PCDH15: variants seen among roughly 807,000 people sequenced by gnomAD.
PCDH15 encodes the protein protocadherin related 15.
A neutral mutation model predicts 178.5 loss-of-function variants in PCDH15; 129 were observed. The observed-to-expected ratio is 0.72, with a 90% CI of 0.63 to 0.84. The LOEUF (loss-of-function observed/expected upper bound fraction) is 0.84, where lower values mean the gene tolerates loss of function less well. PCDH15 is among the 40% of genes least tolerant of loss of function. The pLI, the probability that PCDH15 is intolerant of heterozygous loss-of-function variation, is 0.00. For synonymous variants in PCDH15, 800 were observed against 732.0 expected (o/e 1.09, Z -1.50); for missense variants, 2,230 against 2,099.9 (o/e 1.06, Z -1.21).
intron 2 of PCDH15, among the ~76,000 whole-genome samples, chr10:55,156,250 G>GA (rs1392775734): frequency 2.0e-5 from 3 of 152,108 alleles, no homozygotes; most frequent in Admixed American, 1.3e-4. Flanking sequence ...AAAACTTTTG[G>GA]AAAAATTAAG....
At chr10:55,265,757 C>T (rs1457071110) in intron 1 of PCDH15, among the ~76,000 whole-genome samples, 11 of 152,074 alleles carry the variant, frequency 7.2e-5, no homozygotes, top group African/African-American at 2.4e-4. Flanking sequence ...GTAAAACACA[C>T]CTCTCTATCT....
At chr10:54,409,748 G>A (rs1953205413) in intron 3 of PCDH15, among the ~76,000 whole-genome samples, 1 of 152,102 alleles carries the variant, frequency 6.6e-6, no homozygotes, top group East Asian at 1.9e-4. Flanking sequence ...TGGGGCCTTT[G>A]GAGGAGGTAA....
chr10:54,574,650 A>G (rs1209167189), intron 2 of PCDH15, among the ~76,000 whole-genome samples: 13 of 147,258 alleles, frequency 8.8e-5, no homozygotes, highest in East Asian at 2.0e-4. Flanking sequence ...TCAGGAAACT[A>G]CAGGTGCTGG....
intron 3 of PCDH15, among the ~76,000 whole-genome samples, chr10:54,492,317 G>C (rs1205506303): frequency 6.6e-6 from 1 of 152,192 alleles, no homozygotes; most frequent in Non-Finnish European, 1.5e-5. Context: ...ACGCTCAGCT[G>C]TCTGAGGCAA....
At chr10:55,511,167 G>A (rs992486148) in intron 2 of PCDH15, among the ~76,000 whole-genome samples, 1 of 151,312 alleles carries the variant, frequency 6.6e-6, no homozygotes, top group African/African-American at 2.4e-5. Flanking sequence ...GTCACCACAC[G>A]TCTTATTTTA....
rs1461292462 is a variant in PCDH15 at position 53,805,869 on chromosome 10, T to G, written c.*710A>C. The G allele has an allele frequency of 6.6e-6, 1 of 152,060 alleles. No individual in the cohort carries two copies. The highest frequency in any genetic ancestry group is 2.4e-5 in the African/African-American group (1 of 41,404). 9.4% of individuals were successfully genotyped at this position (152,060 alleles called of 1,614,324 possible). A position where few individuals can be genotyped will look rare whatever the true frequency, so the allele number is the denominator to read the frequency against. On this transcript the variant is annotated 3_prime_UTR_variant, in exon 38 of 38. Transcript: ENST00000644397. ...CTCAAGTGATTAAACTAAACTAAAG[T>G]ATCTACCATATTTGATATGAGATGA... is the stretch of plus-strand genomic sequence containing the variant.
intron 25 of PCDH15, among the ~76,000 whole-genome samples, chr10:53,932,880 A>T (rs2085199391): frequency 6.6e-6 from 1 of 151,980 alleles, no homozygotes; most frequent in Non-Finnish European, 1.5e-5. Flanking sequence ...TCTCATGGAG[A>T]CAGATCCCTC....
intron 21 of PCDH15, among the ~76,000 whole-genome samples, chr10:53,989,681 GCAA>G (rs1243742240): frequency 2.0e-5 from 3 of 152,222 alleles, no homozygotes; most frequent in African/African-American, 7.2e-5. Flanking sequence ...GGGAAAAAAA[GCAA>G]CAACAACACT....
At chr10:54,098,265 G>A (rs1190282518) in intron 15 of PCDH15, among the ~76,000 whole-genome samples, 3 of 149,212 alleles carry the variant, frequency 2.0e-5, no homozygotes, top group Non-Finnish European at 4.4e-5. Context: ...ACCTGTCCTA[G>A]GTTAAACACA....
intron 21 of PCDH15, among the ~76,000 whole-genome samples, chr10:53,987,490 A>G (rs1472728912): frequency 6.6e-6 from 1 of 152,232 alleles, no homozygotes; most frequent in Non-Finnish European, 1.5e-5. Flanking sequence ...GGCTGTTTAA[A>G]AATGCCTAGG....
intron 13 of PCDH15, 63 bp downstream of exon 13, chr10:54,183,381 T>C (rs2133798778): frequency 1.4e-6 from 2 of 1,435,602 alleles, no homozygotes; most frequent in Non-Finnish European, 2.0e-6. Context: ...TTCATGAGCA[T>C]ATCGTATAAT....
intron 3 of PCDH15, chr10:54,452,461 T>C (rs1343663086): frequency 6.6e-6 from 1 of 152,116 alleles, no homozygotes; most frequent in Non-Finnish European, 1.5e-5. Flanking sequence ...ACAGGGGTCC[T>C]GCTAATCTTC....
intron 2 of PCDH15, among the ~76,000 whole-genome samples, chr10:54,941,979 A>G (rs141402998): frequency 1.3e-3 from 197 of 152,126 alleles, no homozygotes; most frequent in Non-Finnish European, 1.3e-3. Flanking sequence ...TATCACACCC[A>G]GTTGTTACCC....
At chr10:54,008,190 G>C (rs540987294) in intron 20 of PCDH15, among the ~76,000 whole-genome samples, 1 of 152,142 alleles carries the variant, frequency 6.6e-6, no homozygotes, top group Non-Finnish European at 1.5e-5. Context: ...CATATGTCTA[G>C]AGTTAAATGT....
intron 3 of PCDH15, among the ~76,000 whole-genome samples, chr10:54,450,321 G>T (rs867942365): frequency 6.6e-6 from 1 of 151,254 alleles, no homozygotes; most frequent in South Asian, 2.1e-4. Flanking sequence ...GTTGCAAAAG[G>T]CATTGAAGAT....
At position 53,805,928 on chromosome 10, in the gene PCDH15, A is replaced by AAAAG. The variant is rs1382827668; in HGVS notation, c.*647_*650dup. 6.6e-6 allele frequency: 1 copy of AAAAG among 152,152 alleles called. No homozygotes were observed. The highest frequency in any genetic ancestry group is 1.9e-4 in the East Asian group (1 of 5,192). The allele number at this position is 152,152 out of a possible 1,614,324, so 9.4% of individuals were successfully genotyped here. A position where few individuals can be genotyped will look rare whatever the true frequency, so the allele number is the denominator to read the frequency against. ...GAGAATATTGTAAATAATATTGATAAAAAGACATACGACTTCAAGTGGTTT... is the reference window on the plus strand; with the variant it reads ...GAGAATATTGTAAATAATATTGATAAAAAGAAAGACATACGACTTCAAGTGGTTT... On this transcript the variant is annotated 3_prime_UTR_variant, in exon 38 of 38. Coordinates refer to ENST00000644397, the MANE Select transcript of PCDH15 (RefSeq NM_001384140.1).
chr10:54,170,600 G>T (rs2046792331), intron 13 of PCDH15, among the ~76,000 whole-genome samples: 1 of 151,238 alleles, frequency 6.6e-6, no homozygotes. Flanking sequence ...TCTTGACCCA[G>T]ACTTCAATCC....
At chr10:54,794,581 G>T (rs1951776392) in intron 1 of PCDH15, among the ~76,000 whole-genome samples, 1 of 151,716 alleles carries the variant, frequency 6.6e-6, no homozygotes, top group Non-Finnish European at 1.5e-5. Context: ...GGAATGTAAG[G>T]TTAACAGACT....
At chr10:54,627,414 A>G (rs1018117767) in intron 2 of PCDH15, among the ~76,000 whole-genome samples, 1 of 152,148 alleles carries the variant, frequency 6.6e-6, no homozygotes, top group Non-Finnish European at 1.5e-5. Flanking sequence ...TACTGTTCTC[A>G]TGATAGTGAA....
Sources: allele counts gnomAD v4.1 joint callset (sites outside exome capture counted in the v4.1 genomes callset), GRCh38; gene constraint gnomAD v4.1.1; transcripts MANE v1.5; gene names NCBI Gene and HGNC (gene_info 2026-07-23, HGNC 2026-07-21).